The following CARNMT1 variants were observed in gnomAD, a reference collection of about 807,000 sequenced individuals.
CARNMT1 encodes carnosine N-methyltransferase 1.
A neutral mutation model predicts 49.6 loss-of-function variants in CARNMT1; 28 were observed. The observed-to-expected ratio is 0.56, with a 90% CI of 0.42 to 0.77. The LOEUF is 0.77. Among genes scored for constraint, CARNMT1 ranks in the 30% least tolerant of loss-of-function variants. The pLI, the probability that CARNMT1 is intolerant of heterozygous loss-of-function variation, is 0.00. For synonymous variants in CARNMT1, 178 were observed against 175.0 expected, an observed-to-expected ratio of 1.02 and a Z score of -0.13; for missense variants, 421 against 512.6, an observed-to-expected ratio of 0.82 and a Z score of 1.73.
intron 3 of CARNMT1, among the ~76,000 whole-genome samples, chr9:75,000,785 A>T (rs1833330394): frequency 6.6e-6 from 1 of 152,152 alleles, no homozygotes; most frequent in African/African-American, 2.4e-5. Flanking sequence ...TGATTTTTTT[A>T]TCTTTAACTA....
chr9:75,025,719 C>T (rs1338061590), intron 1 of CARNMT1, among the ~76,000 whole-genome samples: 1 of 152,066 alleles, frequency 6.6e-6, no homozygotes, highest in African/African-American at 2.4e-5. Context: ...ATAAGTGGAC[C>T]CGTGCAGTTC....
At chr9:75,018,724 T>C (rs1833920076) in intron 1 of CARNMT1, among the ~76,000 whole-genome samples, 1 of 152,084 alleles carries the variant, frequency 6.6e-6, no homozygotes, top group Admixed American at 6.6e-5. Flanking sequence ...CCTTGGCACT[T>C]TGGGAGGCCA....
intron 6 of CARNMT1, among the ~76,000 whole-genome samples, chr9:74,985,881 G>A (rs1832822804): frequency 6.6e-6 from 1 of 152,180 alleles, no homozygotes; most frequent in African/African-American, 2.4e-5. Flanking sequence ...TGTGTGCCCT[G>A]TAGTATGACT....
At chr9:75,015,054 C>T (rs531217993) in intron 3 of CARNMT1, among the ~76,000 whole-genome samples, 1 of 152,232 alleles carries the variant, frequency 6.6e-6, no homozygotes, top group East Asian at 1.9e-4. Flanking sequence ...TAAATATATA[C>T]CCCTAAATCA....
intron 1 of CARNMT1, chr9:75,027,505 AG>A: frequency 6.1e-6 from 6 of 983,100 alleles, no homozygotes; most frequent in Non-Finnish European, 7.2e-6. Flanking sequence ...AGCGCCAAAG[AG>A]GGGTGGGTGG....
Position 74,983,742 on chromosome 9 carries a change from T to G in CARNMT1, c.*25A>C. The G allele has an allele frequency of 2.1e-6, 3 of 1,425,030 alleles. No individual in the cohort carries two copies. Among genetic ancestry groups the G allele is most frequent in the Non-Finnish European group, 2.9e-6 (3 of 1,036,836 alleles). The allele number at this position is 1,425,030 out of a possible 1,614,324, so 88.3% of individuals were successfully genotyped here. On this transcript the variant is annotated 3_prime_UTR_variant, in exon 8 of 8. Coordinates refer to ENST00000376834, the MANE Select transcript of CARNMT1 (RefSeq NM_152420.3). ...CAGCATTTGTTCTTACTAAACTTTT[T>G]TCCAGGTGGTATCACTTGAGACCAT...
intron 6 of CARNMT1, 33 bp downstream of exon 6, chr9:74,996,414 A>G (rs373691932): frequency 1.6e-5 from 17 of 1,095,534 alleles, no homozygotes; most frequent in Non-Finnish European, 2.1e-5. Flanking sequence ...TCAGATTAAT[A>G]TACAAAATTT....
chr9:75,016,711 G>A lies in CARNMT1; in HGVS notation c.427-280C>T, dbSNP rs527681249. ...ACCAAACTGAGCTGCTATGGAGACC[G>A]AACATCCTCTCTAAGAGAGGGAAGA... On this transcript the variant is annotated intron_variant, in intron 2 of 7. Transcript: ENST00000376834. The A allele has an allele frequency of 4.4e-5, 15 of 339,440 alleles. No homozygotes were observed. In the South Asian group the frequency reaches 7.7e-4, roughly 17 times the overall value. The allele number at this position is 339,440 out of a possible 1,614,324, so 21.0% of individuals were successfully genotyped here. A position where few individuals can be genotyped will look rare whatever the true frequency, so the allele number is the denominator to read the frequency against.
In CARNMT1 at chr9:74,998,718, G is replaced by A. The variant is rs780475621; in HGVS notation, c.790C>T (p.Arg264Trp). 6 of 1,602,530 alleles carry A rather than the reference G, an allele frequency of 3.7e-6. No individual in the cohort carries two copies. Among genetic ancestry groups the A allele is most frequent in the Non-Finnish European group, 5.1e-6 (6 of 1,174,104 alleles). Residue 264 changes from arginine to tryptophan, a missense_variant, in exon 5 of 8, where the codon CGG becomes TGG. By Grantham distance (101) the Arg-to-Trp change is moderately radical. Around this residue, in one of 2 missense-constraint regions of CARNMT1, gnomAD observed 235 missense variants for 344.8 expected, o/e 0.68. Transcript: ENST00000376834. ...YPWIHQFSNN[R>W]RSADQIRPIF... ...GGTCGAATCTGATCAGCTGATCTCC[G>A]GTTATTGCTAAACTGATGGATCCAA...
intron 4 of CARNMT1, 93 bp downstream of exon 4, chr9:74,999,637 T>C (rs1833296801): frequency 1.9e-6 from 2 of 1,079,814 alleles, no homozygotes; most frequent in Non-Finnish European, 2.7e-6. Context: ...AAATGCTATG[T>C]ACTTATCTTC....
intron 3 of CARNMT1, among the ~76,000 whole-genome samples, chr9:75,002,892 C>T: frequency 6.6e-6 from 1 of 152,070 alleles, no homozygotes; most frequent in East Asian, 1.9e-4. Flanking sequence ...AGGTGTGTGC[C>T]ACCATGCTCA....
chr9:75,026,566 C>CT lies in CARNMT1; in HGVS notation c.230+1445dup, dbSNP rs1401439453. On this transcript the variant is annotated intron_variant, in intron 1 of 7. Coordinates refer to ENST00000376834, the MANE Select transcript of CARNMT1 (RefSeq NM_152420.3). ...ATTCAATTCTCTGATGGTCTGACGC[C>CT]TTGCTCCCTCTGTTACTACTAAACC... Among the ~76,000 whole-genome samples, 5 of 152,304 alleles carry CT rather than the reference C, an allele frequency of 3.3e-5. No individual in the cohort carries two copies. The East Asian group carries it at 7.7e-4, about 24-fold the overall frequency.
At chr9:75,008,751 C>G (rs1486874091) in intron 3 of CARNMT1, among the ~76,000 whole-genome samples, 1 of 152,138 alleles carries the variant, frequency 6.6e-6, no homozygotes, top group African/African-American at 2.4e-5. Flanking sequence ...CAGTACTACC[C>G]AAAGCAATCT....
At chr9:74,989,932 A>T (rs1455975978) in intron 6 of CARNMT1, among the ~76,000 whole-genome samples, 1 of 152,248 alleles carries the variant, frequency 6.6e-6, no homozygotes, top group East Asian at 1.9e-4. Context: ...ATCGGTCAGA[A>T]GAAACTATCC....
intron 3 of CARNMT1, among the ~76,000 whole-genome samples, chr9:75,007,606 G>A (rs1169326583): frequency 6.6e-6 from 1 of 151,762 alleles, no homozygotes; most frequent in East Asian, 1.9e-4. Context: ...TTGGGCGCCT[G>A]TAATCCCAGC....
At chr9:75,025,661 C>G (rs913490439) in intron 1 of CARNMT1, among the ~76,000 whole-genome samples, 1 of 152,080 alleles carries the variant, frequency 6.6e-6, no homozygotes, top group Admixed American at 6.5e-5. Flanking sequence ...CAAATTGTTG[C>G]AAATGTCAAA....
intron 3 of CARNMT1, among the ~76,000 whole-genome samples, chr9:75,001,903 G>C (rs1564097287): frequency 6.6e-6 from 1 of 152,108 alleles, no homozygotes. Context: ...CCTTAAACCA[G>C]GCTGAATTTT....
At chr9:75,022,134 G>A (rs1822384358) in intron 1 of CARNMT1, among the ~76,000 whole-genome samples, 1 of 147,316 alleles carries the variant, frequency 6.8e-6, no homozygotes, top group African/African-American at 2.5e-5. Flanking sequence ...TGAACATTTT[G>A]TGTTCAAAAT....
intron 1 of CARNMT1, among the ~76,000 whole-genome samples, chr9:75,024,178 T>C (rs1272495418): frequency 3.3e-5 from 5 of 152,160 alleles, no homozygotes; most frequent in Non-Finnish European, 4.4e-5. Context: ...GAAATCCAAA[T>C]AGAAAAAACA....
Sources: allele counts gnomAD v4.1 joint callset (sites outside exome capture counted in the v4.1 genomes callset), GRCh38; gene constraint gnomAD v4.1.1; regional missense constraint gnomAD v4.1.1; transcripts MANE v1.5; gene names NCBI Gene and HGNC (gene_info 2026-07-23, HGNC 2026-07-21).